Variants in CMSS1 observed in about 807,000 individuals in gnomAD.
The protein encoded by CMSS1 is protein CMSS1.
CMSS1 carries 33 observed loss-of-function variants against 43.5 expected under a neutral mutation model. The ratio of observed to expected loss-of-function variants is 0.76; its 90% CI spans 0.57 to 1.01. The LOEUF is 1.01. Among genes scored for constraint, CMSS1 ranks in the 50% least tolerant of loss-of-function variants. The pLI is 0.00. For missense variants in CMSS1, 313 were observed against 326.4 expected (o/e 0.96, Z 0.32); for synonymous variants, 115 against 117.2 (o/e 0.98, Z 0.12).
At chr3:99,979,882 A>G (rs1709070911) in intron 1 of CMSS1, among the ~76,000 whole-genome samples, 1 of 150,736 alleles carries the variant, frequency 6.6e-6, no homozygotes, top group African/African-American at 2.4e-5. Context: ...GTATTGTCTT[A>G]AAAGAGAGAG....
At chr3:99,984,544 G>C (rs1413555594) in intron 1 of CMSS1, among the ~76,000 whole-genome samples, 1 of 152,150 alleles carries the variant, frequency 6.6e-6, no homozygotes, top group Non-Finnish European at 1.5e-5. Flanking sequence ...CCTGGTCACT[G>C]AAACTCATTC....
chr3:100,011,303 A>G (rs933005726), intron 1 of CMSS1, among the ~76,000 whole-genome samples: 11 of 152,052 alleles, frequency 7.2e-5, no homozygotes, highest in African/African-American at 2.7e-4. Context: ...GTGTTGATCT[A>G]TTGAGTATCA....
At chr3:100,009,843 C>A (rs554927348) in intron 1 of CMSS1, among the ~76,000 whole-genome samples, 2 of 152,270 alleles carry the variant, frequency 1.3e-5, no homozygotes, top group East Asian at 3.9e-4. Flanking sequence ...GTATACGTGT[C>A]CACGTTTTCA....
At chr3:99,952,185 T>G (rs1708197794) in intron 1 of CMSS1, among the ~76,000 whole-genome samples, 1 of 151,912 alleles carries the variant, frequency 6.6e-6, no homozygotes, top group Non-Finnish European at 1.5e-5. Flanking sequence ...TTTCGTTGAC[T>G]TAATAAGGGG....
chr3:99,830,764 T>A (rs972906608), intron 1 of CMSS1, among the ~76,000 whole-genome samples: 2 of 152,210 alleles, frequency 1.3e-5, no homozygotes, highest in Non-Finnish European at 2.9e-5. Context: ...GAAAAGAATG[T>A]CAGTAAAGTA....
intron 1 of CMSS1, among the ~76,000 whole-genome samples, chr3:99,885,512 G>A (rs929613515): frequency 2.0e-5 from 3 of 152,160 alleles, no homozygotes; most frequent in Non-Finnish European, 2.9e-5. Flanking sequence ...TAAACTCAAG[G>A]ATTTAAAATT....
At chr3:100,061,161 A>G (rs2065558872) in intron 1 of CMSS1, among the ~76,000 whole-genome samples, 1 of 152,234 alleles carries the variant, frequency 6.6e-6, no homozygotes, top group Admixed American at 6.5e-5. Flanking sequence ...AAATTTTAAA[A>G]GGAAGGAAGG....
chr3:99,868,544 C>T lies in CMSS1; in HGVS notation c.64+50501C>T, dbSNP rs562026446. On this transcript the variant is annotated intron_variant, in intron 1 of 9. Transcript: ENST00000421999. ...TGGCACTGTGCCAACTGCTTCATCACGTTTAAGCTTCAGGTTAAGAAGTGA... is the reference window on the plus strand; with the variant it reads ...TGGCACTGTGCCAACTGCTTCATCATGTTTAAGCTTCAGGTTAAGAAGTGA... Among the ~76,000 whole-genome samples the T allele has an allele frequency of 4.6e-5, 7 of 152,308 alleles. No homozygotes were observed. In the East Asian group the frequency reaches 1.4e-3, roughly 29 times the overall value.
At chr3:99,997,230 C>G (rs778702882) in intron 1 of CMSS1, among the ~76,000 whole-genome samples, 5 of 152,034 alleles carry the variant, frequency 3.3e-5, no homozygotes, top group Admixed American at 2.0e-4. Flanking sequence ...CTAGACTAAC[C>G]AAGAAGAAGG....
chr3:99,917,967 T>TTTTTG (rs1218470674), intron 1 of CMSS1, among the ~76,000 whole-genome samples: 17 of 152,056 alleles, frequency 1.1e-4, no homozygotes, highest in African/African-American at 2.7e-4. Context: ...GTTTGTTTGT[T>TTTTTG]TTTTGTTTTG....
intron 1 of CMSS1, chr3:99,850,851 G>A: frequency 6.2e-7 from 1 of 1,614,082 alleles, no homozygotes; most frequent in Non-Finnish European, 8.5e-7. Flanking sequence ...CTTCAGCAAG[G>A]GCTAGTTTGG....
rs1369816615 is a variant in CMSS1, at chr3:100,180,733, CTG to C, written c.*2347_*2348del. ...CCTGTCTTCTTCTGATCCTTCCAAA[CTG>C]TTGCAACTTCTCCCCGTTACCCAGT... is the stretch of plus-strand genomic sequence containing the variant. On this transcript the variant is annotated 3_prime_UTR_variant, in exon 10 of 10. Transcript: ENST00000421999. The C allele has an allele frequency of 2.0e-5, 3 of 152,240 alleles. No individual in the cohort carries two copies. Among genetic ancestry groups the C allele is most frequent in the Admixed American group, 2.0e-4 (3 of 15,280 alleles). 9.4% of individuals were successfully genotyped at this position (152,240 alleles called of 1,614,324 possible).
intron 1 of CMSS1, among the ~76,000 whole-genome samples, chr3:99,955,210 A>G (rs1329551414): frequency 6.6e-6 from 1 of 152,212 alleles, no homozygotes; most frequent in Non-Finnish European, 1.5e-5. Context: ...TCAGAACTCA[A>G]GTCTTCTCTG....
At chr3:100,058,651 C>T (rs1371408389) in intron 1 of CMSS1, among the ~76,000 whole-genome samples, 1 of 152,194 alleles carries the variant, frequency 6.6e-6, no homozygotes, top group African/African-American at 2.4e-5. Context: ...AAGCACCTCA[C>T]CACAAACTGA....
intron 1 of CMSS1, among the ~76,000 whole-genome samples, chr3:100,051,763 C>T (rs1232702354): frequency 2.0e-5 from 3 of 151,408 alleles, no homozygotes; most frequent in Non-Finnish European, 4.4e-5. Context: ...CATTGTTGGA[C>T]ATTTGGCTTG....
At chr3:99,829,850 G>A (rs984191569) in intron 1 of CMSS1, among the ~76,000 whole-genome samples, 3 of 152,146 alleles carry the variant, frequency 2.0e-5, no homozygotes, top group South Asian at 2.1e-4. Flanking sequence ...ATATTCGGCT[G>A]TTATTCACTT....
intron 1 of CMSS1, among the ~76,000 whole-genome samples, chr3:99,869,126 A>T (rs2107576788): frequency 6.6e-6 from 1 of 152,198 alleles, no homozygotes; most frequent in East Asian, 1.9e-4. Flanking sequence ...AAGGACAAGT[A>T]GAGTTTTGTT....
Position 99,858,732 on chromosome 3 carries a change from ATG to A in CMSS1, c.64+40690_64+40691del, listed in dbSNP as rs372922213. On this transcript the variant is annotated intron_variant, in intron 1 of 9. Transcript: ENST00000421999. ...AAACTCCATATACACTTCTGAGAGA[ATG>A]AGAGAGAAAAAGGTTGTGTTATTAT... is the stretch of plus-strand genomic sequence containing the variant. Among the ~76,000 whole-genome samples the A allele has an allele frequency of 3.3e-3, 507 of 152,298 alleles. 2 individuals are homozygous for A. The highest frequency in any genetic ancestry group is 6.0e-3 in the Non-Finnish European group (406 of 68,030).
intron 1 of CMSS1, among the ~76,000 whole-genome samples, chr3:100,015,571 C>T (rs183327078): frequency 1.5e-3 from 227 of 152,234 alleles, no homozygotes; most frequent in Middle Eastern, 3.4e-3. Context: ...TTCTTGGTTT[C>T]AAGTTCATTG....
Sources: gnomAD v4.1 joint callset for allele counts (sites outside exome capture counted in the v4.1 genomes callset) on GRCh38, gnomAD v4.1.1 for gene constraint, MANE v1.5 for transcripts, NCBI Gene and HGNC (gene_info 2026-07-23, HGNC 2026-07-21) for gene names.